The following PEX16 variants were observed in gnomAD, a reference collection of about 807,000 sequenced individuals.
PEX16 encodes peroxisomal biogenesis factor 16.
PEX16 carries 37 observed loss-of-function variants against 50.5 expected under a neutral mutation model. The observed-to-expected ratio is 0.73, with a 90% CI of 0.56 to 0.96. The LOEUF (loss-of-function observed/expected upper bound fraction) is 0.96. Among genes scored for constraint, PEX16 ranks in the 40% least tolerant of loss-of-function variants. The pLI, the probability that PEX16 is intolerant of heterozygous loss-of-function variation, is 0.00. For synonymous variants in PEX16, 185 were observed against 190.3 expected, an observed-to-expected ratio of 0.97 and a Z score of 0.23; for missense variants, 401 against 438.3, an observed-to-expected ratio of 0.91 and a Z score of 0.76.
chr11:45,914,344 A>T lies in PEX16; in HGVS notation c.666T>A (p.Phe222Leu), dbSNP rs368365098. ...GCAGCAGCGGCCGGGCAATGTACAA[A>T]AACTCTGCGATGGTCTCCTGCAGCC... ...PLGLQETIAEFLYIARPLLHL... is the reference protein window; with the variant it reads ...PLGLQETIAELLYIARPLLHL... Residue 222 changes from phenylalanine to leucine, a missense_variant, in exon 7 of 11, where the codon TTT becomes TTA. Physicochemically the swap from Phe to Leu is conservative, Grantham distance 22. Transcript: ENST00000378750. 3.7e-6 allele frequency: 6 copies of T among 1,612,360 alleles called. No individual in the cohort carries two copies. Among genetic ancestry groups the T allele is most frequent in the Non-Finnish European group, 5.1e-6 (6 of 1,180,012 alleles).
chr11:45,911,263 T>A lies in PEX16; in HGVS notation c.888-301A>T, dbSNP rs540409774. 6.6e-5 allele frequency among the ~76,000 whole-genome samples: 10 copies of A among 152,266 alleles called. No individual in the cohort carries two copies. The South Asian group carries it at 2.1e-3, about 32-fold the overall frequency. On this transcript the variant is annotated intron_variant, in intron 9 of 10. Transcript: ENST00000378750. ...CACTGAAGGCCTCTAGAGGGTCGCA[T>A]GTGGAGCAGCGCCCTGGCAGTATGG...
At chr11:45,916,122 C>G (rs924797819) in intron 3 of PEX16, 105 bp downstream of exon 3, 2 of 879,644 alleles carry the variant, frequency 2.3e-6, no homozygotes, top group Admixed American at 1.7e-5. Context: ...TGGACATAGG[C>G]CTGTCTCATA....
intron 10 of PEX16, 28 bp downstream of exon 10, chr11:45,910,870 C>T: frequency 1.2e-6 from 2 of 1,604,518 alleles, no homozygotes; most frequent in South Asian, 2.2e-5. Context: ...TCCAGCACTA[C>T]AGTCATCGCG....
chr11:45,917,859 G>GCGGCGCCCTGCTTC lies in PEX16; in HGVS notation c.-62_-49dup, dbSNP rs1210225216. ...CCACAGAAGGACCGTACGACAGGCT[G>GCGGCGCCCTGCTTC]CGGCGCCCTGCTTCCTGCGCCCTCC... On this transcript the variant is annotated 5_prime_UTR_variant, in exon 1 of 11. Coordinates refer to ENST00000378750, the MANE Select transcript of PEX16 (RefSeq NM_004813.4). 8.2e-6 allele frequency: 11 copies of GCGGCGCCCTGCTTC among 1,335,268 alleles called. No individual in the cohort carries two copies. The highest frequency in any genetic ancestry group is 1.4e-5 in the African/African-American group (1 of 69,334). 82.7% of individuals were successfully genotyped at this position (1,335,268 alleles called of 1,614,324 possible).
upstream of PEX16, chr11:45,917,891 C>T (rs1164465662): frequency 9.5e-7 from 1 of 1,050,558 alleles, no homozygotes; most frequent in South Asian, 1.3e-5. Context: ...CTCCTTCCTG[C>T]TTCCGGTCTT....
Position 45,910,011 on chromosome 11 carries a change from T to C in PEX16, c.*243A>G. ...GCTTTCTGTGGGAGAGGAGCCTGGA[T>C]CCCACTCCTAGTGAAGGCTTCTTGG... On this transcript the variant is annotated 3_prime_UTR_variant, in exon 11 of 11. Coordinates refer to ENST00000378750, the MANE Select transcript of PEX16 (RefSeq NM_004813.4). The C allele has an allele frequency of 1.5e-6, 2 of 1,295,738 alleles. No homozygotes were observed. Among genetic ancestry groups the C allele is most frequent in the Admixed American group, 3.4e-5 (2 of 59,482 alleles). The allele number at this position is 1,295,738 out of a possible 1,614,324, so 80.3% of individuals were successfully genotyped here.
Position 45,915,828 on chromosome 11 carries a change from G to C in PEX16, c.234C>G (p.Ser78=), listed in dbSNP as rs1476142512. The change falls in exon 4 of 11, where the codon TCC becomes TCG. Residue 78 remains serine, a synonymous_variant. Transcript: ENST00000378750. ...ELRKKLPVSL[S]QQKLLTWLSV... is the part of the protein sequence containing the mutation. ...TCAGCCATGTCAGCAGCTTCTGCTG[G>C]GACAGCGACTGCAAGAACCCCAGGC... The C allele has an allele frequency of 6.2e-7, 1 of 1,613,646 alleles. No homozygotes were observed.
At chr11:45,918,114 C>T, upstream of PEX16, 1 of 488,016 alleles carries the variant, frequency 2.0e-6, no homozygotes, top group Non-Finnish European at 3.8e-6. Flanking sequence ...CCCAGCTCTT[C>T]CGTTTACCGG....
intron 9 of PEX16, among the ~76,000 whole-genome samples, chr11:45,911,200 C>A (rs2086774988): frequency 6.6e-6 from 1 of 152,250 alleles, no homozygotes; most frequent in Non-Finnish European, 1.5e-5. Context: ...CCCACAACAC[C>A]TCCTCCCATT....
At chr11:45,913,696 A>T in intron 9 of PEX16, 123 bp downstream of exon 9, 1 of 1,153,412 alleles carries the variant, frequency 8.7e-7, no homozygotes, top group Non-Finnish European at 1.3e-6. Flanking sequence ...TGCCACCCGG[A>T]CAACACACAG....
At position 45,909,872 on chromosome 11, in the gene PEX16, A is replaced by G. The variant is rs1451867972; in HGVS notation, c.*382T>C. 3.4e-6 allele frequency: 2 copies of G among 592,738 alleles called. No individual in the cohort carries two copies. Among genetic ancestry groups the G allele is most frequent in the Admixed American group, 2.8e-5 (1 of 35,468 alleles). The allele number at this position is 592,738 out of a possible 1,614,324, so 36.7% of individuals were successfully genotyped here. A position where few individuals can be genotyped will look rare whatever the true frequency, so the allele number is the denominator to read the frequency against. ...AAGACACGCTGGGCAGCGTTCAGCC[A>G]TCACCCGGGTTCAGGCTTCCTGTCC... On this transcript the variant is annotated 3_prime_UTR_variant, in exon 11 of 11. Coordinates refer to ENST00000378750, the MANE Select transcript of PEX16 (RefSeq NM_004813.4).
At chr11:45,917,353 AACG>A in intron 2 of PEX16, 102 bp downstream of exon 2, 3 of 1,000,726 alleles carry the variant, frequency 3.0e-6, no homozygotes, top group Non-Finnish European at 4.8e-6. Flanking sequence ...CAAGGTGTCT[AACG>A]GGCAGCCCAG....
chr11:45,910,028 G>T lies in PEX16; in HGVS notation c.*226C>A. 1 of 1,450,122 alleles carries T rather than the reference G, an allele frequency of 6.9e-7. No individual in the cohort carries two copies. Among genetic ancestry groups the T allele is most frequent in the Non-Finnish European group, 9.6e-7 (1 of 1,036,726 alleles). The allele number at this position is 1,450,122 out of a possible 1,614,324, so 89.8% of individuals were successfully genotyped here. ...AGCCTGGATCCCACTCCTAGTGAAGGCTTCTTGGCCCAGCAGTGACAAGGT... is the reference window on the plus strand; with the variant it reads ...AGCCTGGATCCCACTCCTAGTGAAGTCTTCTTGGCCCAGCAGTGACAAGGT... On this transcript the variant is annotated 3_prime_UTR_variant, in exon 11 of 11. Transcript: ENST00000378750.
At chr11:45,911,528 A>G (rs1339700073) in intron 9 of PEX16, among the ~76,000 whole-genome samples, 1 of 152,216 alleles carries the variant, frequency 6.6e-6, no homozygotes, top group African/African-American at 2.4e-5. Flanking sequence ...GATGCTGATG[A>G]CAATACATAG....
rs146657010 is a variant in PEX16, at chr11:45,910,266, G to A, written c.999C>T (p.Tyr333=). 3.3e-4 allele frequency: 533 copies of A among 1,613,796 alleles called. 1 individual carries two copies. The highest frequency in any genetic ancestry group is 4.3e-4 in the Non-Finnish European group (506 of 1,179,888). ...TCCGGGAGGTCTGTCAGCCCCAACT[G>A]TAGAAGTAGATTTTCTGCCAGGTGG... The part of the protein sequence containing the change: ...YLPTWQKIYF[Y]SWG The change falls in exon 11 of 11, where the codon TAC becomes TAT. Residue 333 remains tyrosine, a synonymous_variant. Transcript: ENST00000378750.
In PEX16 at chr11:45,909,972, G is replaced by A. The variant is rs951301885; in HGVS notation, c.*282C>T. ...AGGCGAGCAGCTTCCCGGGCTCCATGAGGTGAAGTCACCGCTTTCTGTGGG... is the reference window on the plus strand; with the variant it reads ...AGGCGAGCAGCTTCCCGGGCTCCATAAGGTGAAGTCACCGCTTTCTGTGGG... On this transcript the variant is annotated 3_prime_UTR_variant, in exon 11 of 11. Transcript: ENST00000378750. The A allele has an allele frequency of 1.9e-5, 18 of 931,104 alleles. No homozygotes were observed. Among genetic ancestry groups the A allele is most frequent in the Non-Finnish European group, 2.9e-5 (17 of 578,190 alleles). The allele number at this position is 931,104 out of a possible 1,614,324, so 57.7% of individuals were successfully genotyped here.
At chr11:45,917,673 G>A (rs1435852106) in intron 1 of PEX16, 27 bp downstream of exon 1, 12 of 1,532,408 alleles carry the variant, frequency 7.8e-6, no homozygotes, top group Non-Finnish European at 9.7e-6. Flanking sequence ...GGGCCCAGAA[G>A]GAACTGATCA....
intron 9 of PEX16, 35 bp downstream of exon 9, chr11:45,913,784 C>G: frequency 6.2e-7 from 1 of 1,613,350 alleles, no homozygotes; most frequent in Non-Finnish European, 8.5e-7. Context: ...CGCTTGCCAG[C>G]CCTCTCCCTG....
chr11:45,916,357 C>T, intron 2 of PEX16, 54 bp from the exon 3 acceptor site: 2 of 1,353,322 alleles, frequency 1.5e-6, no homozygotes, highest in Non-Finnish European at 2.1e-6. Context: ...CCATCCCTCT[C>T]ACCTTCTCCC....
Sources: allele counts gnomAD v4.1 joint callset (sites outside exome capture counted in the v4.1 genomes callset), GRCh38; gene constraint gnomAD v4.1.1; transcripts MANE v1.5; gene names NCBI Gene and HGNC (gene_info 2026-07-23, HGNC 2026-07-21).